Variants in EPB41L4A observed in about 807,000 individuals in gnomAD.
EPB41L4A encodes band 4.1-like protein 4A.
EPB41L4A carries 100 observed loss-of-function variants against 108.6 expected under a neutral mutation model. The observed-to-expected ratio is 0.92, with a 90% CI of 0.78 to 1.09. The LOEUF is 1.09. EPB41L4A is among the 50% of genes least tolerant of loss of function. The pLI is 0.00. For missense variants in EPB41L4A, 1,030 were observed against 842.7 expected, an observed-to-expected ratio of 1.22 and a Z score of -2.75; for synonymous variants, 319 against 289.0, an observed-to-expected ratio of 1.10 and a Z score of -1.05.
chr5:112,419,803 C>T (rs1300094768), upstream of EPB41L4A: 5 of 456,618 alleles, frequency 1.1e-5, 1 homozygote, highest in South Asian at 4.6e-5. Flanking sequence ...GTGTGGCTCC[C>T]GTCCGGGGAC....
chr5:112,184,062 T>G lies in EPB41L4A; in HGVS notation c.1576A>C (p.Asn526His), dbSNP rs769288147. 6.8e-6 allele frequency: 11 copies of G among 1,614,042 alleles called. No homozygotes were observed. The South Asian group carries it at 1.1e-4, about 16-fold the overall frequency. ...CGCCTGTTGTTGGGGTCGGCTTGGTTTTTTTCCTTTTGTCTCCTTAATACA... is the reference window on the plus strand; with the variant it reads ...CGCCTGTTGTTGGGGTCGGCTTGGTGTTTTTCCTTTTGTCTCCTTAATACA... ...EAVLRRQKEK[N>H]QADPNNRRSR... Residue 526 changes from asparagine (N) to histidine (H), a missense_variant, in exon 18 of 23, where the codon AAC becomes CAC. Coordinates refer to ENST00000261486, the MANE Select transcript of EPB41L4A (RefSeq NM_022140.5).
At chr5:112,353,832 T>C (rs1233568670) in intron 1 of EPB41L4A, among the ~76,000 whole-genome samples, 1 of 152,080 alleles carries the variant, frequency 6.6e-6, no homozygotes, top group Non-Finnish European at 1.5e-5. Context: ...CACACATGCC[T>C]AGGACAACAG....
intron 11 of EPB41L4A, among the ~76,000 whole-genome samples, chr5:112,237,127 G>A (rs991706267): frequency 4.6e-5 from 7 of 152,056 alleles, no homozygotes; most frequent in Non-Finnish European, 7.4e-5. Context: ...GACAGGTAAA[G>A]GCAAGGTTAA....
chr5:112,333,745 C>T (rs1208564803), intron 1 of EPB41L4A, among the ~76,000 whole-genome samples: 3 of 152,276 alleles, frequency 2.0e-5, no homozygotes, highest in South Asian at 4.1e-4. Context: ...TGCATAAATG[C>T]TTTTCTGGCA....
intron 11 of EPB41L4A, among the ~76,000 whole-genome samples, chr5:112,238,748 T>C (rs1749546271): frequency 1.3e-5 from 2 of 152,166 alleles, no homozygotes; most frequent in Admixed American, 6.5e-5. Flanking sequence ...ATACTATAGC[T>C]CTTTGAAGGC....
intron 1 of EPB41L4A, among the ~76,000 whole-genome samples, chr5:112,411,608 A>C (rs1762417635): frequency 6.7e-6 from 1 of 150,322 alleles, no homozygotes. Flanking sequence ...GCTTACAGAT[A>C]AGGAAACTGG....
At chr5:112,170,130 G>T in intron 20 of EPB41L4A, 171 bp downstream of exon 20, 1 of 643,226 alleles carries the variant, frequency 1.6e-6, no homozygotes, top group Non-Finnish European at 2.7e-6. Context: ...TTATAGTGTA[G>T]AATAAGTAGC....
intron 6 of EPB41L4A, 117 bp from the exon 7 acceptor site, chr5:112,262,698 A>G (rs1751580825): frequency 1.2e-6 from 1 of 844,168 alleles, no homozygotes; most frequent in South Asian, 1.7e-5. Context: ...TACTAATGCA[A>G]ACTTAAGTCC....
chr5:112,203,708 CTT>C (rs1762326562), intron 15 of EPB41L4A, among the ~76,000 whole-genome samples: 1 of 152,116 alleles, frequency 6.6e-6, no homozygotes, highest in Non-Finnish European at 1.5e-5. Flanking sequence ...GTAGTTTTGT[CTT>C]CTCAGGTAGA....
At chr5:112,299,046 G>C (rs775230791) in intron 2 of EPB41L4A, among the ~76,000 whole-genome samples, 3 of 151,942 alleles carry the variant, frequency 2.0e-5, no homozygotes, top group Non-Finnish European at 2.9e-5. Flanking sequence ...TTCTTTTCTT[G>C]GTTAATCTTG....
chr5:112,271,368 T>C (rs570485898), intron 4 of EPB41L4A, among the ~76,000 whole-genome samples: 3 of 152,354 alleles, frequency 2.0e-5, no homozygotes, highest in South Asian at 4.1e-4. Flanking sequence ...GCTACCTTTA[T>C]CATTATTGAA....
intron 7 of EPB41L4A, 36 bp downstream of exon 7, chr5:112,262,458 G>A (rs991252304): frequency 1.9e-6 from 3 of 1,567,724 alleles, no homozygotes; most frequent in Non-Finnish European, 2.6e-6. Flanking sequence ...AATGTCATCA[G>A]CTTAAAATAT....
chr5:112,418,375 T>TA (rs1224561949), intron 1 of EPB41L4A, among the ~76,000 whole-genome samples: 1 of 152,196 alleles, frequency 6.6e-6, no homozygotes, highest in Non-Finnish European at 1.5e-5. Flanking sequence ...TGGGTCGCTT[T>TA]GAGAGATGTT....
intron 2 of EPB41L4A, among the ~76,000 whole-genome samples, chr5:112,293,214 A>ATT (rs34631751): frequency 6.8e-6 from 1 of 147,654 alleles, no homozygotes. Context: ...CGATGGAAGC[A>ATT]TTTTTTTTTT....
intron 1 of EPB41L4A, among the ~76,000 whole-genome samples, chr5:112,411,140 T>C (rs1738535184): frequency 6.6e-6 from 1 of 152,154 alleles, no homozygotes; most frequent in Non-Finnish European, 1.5e-5. Flanking sequence ...CACAGGAAGA[T>C]AAGCAGGTCT....
chr5:112,230,608 T>C (rs1748835986), intron 12 of EPB41L4A, among the ~76,000 whole-genome samples: 1 of 152,206 alleles, frequency 6.6e-6, no homozygotes, highest in Non-Finnish European at 1.5e-5. Flanking sequence ...TTTCAGTTCC[T>C]CGTAGATTCT....
At chr5:112,246,472 C>A (rs189334743) in intron 9 of EPB41L4A, among the ~76,000 whole-genome samples, 372 of 152,232 alleles carry the variant, frequency 2.4e-3, no homozygotes, top group African/African-American at 7.8e-3. Context: ...ACCCCAAACT[C>A]ATTTAGCTAA....
In EPB41L4A at chr5:112,339,468, A is replaced by C. The variant is rs879760728; in HGVS notation, c.100-31978T>G. ...AGGAGATATATAGCTATAGATATAT[A>C]TATATCTATATATATATATATATAT... On this transcript the variant is annotated intron_variant, in intron 1 of 22. Transcript: ENST00000261486. Among the ~76,000 whole-genome samples, 338 of 48,286 alleles carry C rather than the reference A, an allele frequency of 7.0e-3. 2 individuals are homozygous for C. The highest frequency in any genetic ancestry group is 9.8e-3 in the Non-Finnish European group (193 of 19,724). 31.7% of individuals were successfully genotyped at this position (48,286 alleles called of 152,430 possible). A position where few individuals can be genotyped will look rare whatever the true frequency, so the allele number is the denominator to read the frequency against.
intron 2 of EPB41L4A, among the ~76,000 whole-genome samples, chr5:112,302,459 T>C (rs1754427181): frequency 6.6e-6 from 1 of 152,168 alleles, no homozygotes; most frequent in South Asian, 2.1e-4. Flanking sequence ...ATGAGAGGCA[T>C]CCGAGTAGTG....
Sources: gnomAD v4.1 joint callset for allele counts (sites outside exome capture counted in the v4.1 genomes callset) on GRCh38, gnomAD v4.1.1 for gene constraint, MANE v1.5 for transcripts, NCBI Gene and HGNC (gene_info 2026-07-23, HGNC 2026-07-21) for gene names.